The following COL15A1 variants were observed in gnomAD, a reference collection of about 807,000 sequenced individuals.
The protein encoded by COL15A1 is collagen alpha-1(XV) chain.
COL15A1 carries 111 observed loss-of-function variants against 165.9 expected under a neutral mutation model. That is an observed-to-expected ratio of 0.67 (90% CI 0.57 to 0.78). The LOEUF (loss-of-function observed/expected upper bound fraction) is 0.78, where lower values mean the gene tolerates loss of function less well. Among genes scored for constraint, COL15A1 ranks in the 30% least tolerant of loss-of-function variants. The probability of loss-of-function intolerance (pLI) is 0.00; values close to 1 mark genes in which losing one functional copy is unlikely to be tolerated. For missense variants in COL15A1, 1,745 were observed against 1,789.7 expected (o/e 0.98, Z 0.45); for synonymous variants, 659 against 674.8 (o/e 0.98, Z 0.36).
intron 9 of COL15A1, among the ~76,000 whole-genome samples, chr9:99,006,766 C>T (rs1222662019): frequency 6.6e-6 from 1 of 152,174 alleles, no homozygotes; most frequent in Admixed American, 6.5e-5. Flanking sequence ...CTACCAAGTC[C>T]TAGCTTAATA....
Position 99,042,122 on chromosome 9 carries a change from G to A in COL15A1, c.2574+15G>A. Reference sequence around the variant, plus strand: ...AAGGAGAACAGGTAAGAGGGGCCCAGGTATCTGAGTGAGATTGGGCGCTGG... The same window carrying A: ...AAGGAGAACAGGTAAGAGGGGCCCAAGTATCTGAGTGAGATTGGGCGCTGG... On this transcript the variant is annotated intron_variant, in intron 24 of 41. Transcript: ENST00000375001. The A allele has an allele frequency of 6.3e-7, 1 of 1,597,656 alleles. No individual in the cohort carries two copies. The highest frequency in any genetic ancestry group is 8.5e-7 in the Non-Finnish European group (1 of 1,169,970).
rs771856798 is a variant in COL15A1 at position 99,068,641 on chromosome 9, T to C, written c.3924T>C (p.Asp1308=). Residue 1308 remains aspartate, a synonymous_variant, in exon 41 of 42, where the codon GAT becomes GAC. Transcript: ENST00000375001. ...TGCATATTCCAATATACTCCTTTGA[T>C]GGTCGAGACATAATGACAGATCCTT... is the stretch of plus-strand genomic sequence containing the variant. The part of the protein sequence containing the change: ...FNMHIPIYSF[D]GRDIMTDPSW... 4.2e-5 allele frequency: 66 copies of C among 1,562,784 alleles called. No homozygotes were observed. Among genetic ancestry groups the C allele is most frequent in the Non-Finnish European group, 5.5e-5 (64 of 1,162,316 alleles).
chr9:99,020,205 G>A (rs1477191730), intron 11 of COL15A1, among the ~76,000 whole-genome samples, 184 bp from the exon 12 acceptor site: 2 of 152,114 alleles, frequency 1.3e-5, no homozygotes, highest in African/African-American at 4.8e-5. Flanking sequence ...ATTATCTGCC[G>A]GTGCAGGGGA....
chr9:99,059,792 TG>T, intron 35 of COL15A1, 96 bp from the exon 36 acceptor site: 2 of 1,336,768 alleles, frequency 1.5e-6, no homozygotes, highest in South Asian at 2.6e-5. Context: ...GCGCTGTGAA[TG>T]GGGTTGAACA....
intron 23 of COL15A1, among the ~76,000 whole-genome samples, chr9:99,041,810 A>G (rs938986438): frequency 2.6e-5 from 4 of 152,164 alleles, no homozygotes; most frequent in Non-Finnish European, 5.9e-5. Flanking sequence ...GAGGAAACCA[A>G]TGTTCAAAAA....
chr9:98,985,741 AT>A lies in COL15A1; in HGVS notation c.278del (p.Ile93ThrfsTer5). ...IPSTFFRDFA[I>X]SVVVKPSSTR... ...ATCCACCTTCTTCAGGGACTTCGCCATCAGCGTCGTGGTGAAGCCCAGCAGC... is the reference window on the plus strand; with the variant it reads ...ATCCACCTTCTTCAGGGACTTCGCCACAGCGTCGTGGTGAAGCCCAGCAGC... On this transcript the variant is annotated frameshift_variant, in exon 3 of 42. Transcript: ENST00000375001. LOFTEE classifies it high-confidence loss of function. The A allele has an allele frequency of 6.2e-7, 1 of 1,614,196 alleles. No individual in the cohort carries two copies. Among genetic ancestry groups the A allele is most frequent in the Non-Finnish European group, 8.5e-7 (1 of 1,180,036 alleles).
chr9:98,948,596 CA>C (rs67986686), intron 2 of COL15A1, among the ~76,000 whole-genome samples: 35,549 of 100,116 alleles, frequency 0.36, 4,378 homozygotes, highest in Admixed American at 0.44. Context: ...GACTCTGTCT[CA>C]AAAAAAAAAA....
At chr9:98,968,172 T>C (rs1213689001) in intron 2 of COL15A1, among the ~76,000 whole-genome samples, 1 of 152,210 alleles carries the variant, frequency 6.6e-6, no homozygotes, top group African/African-American at 2.4e-5. Flanking sequence ...AAGAACACCC[T>C]CCTCACTGTT....
intron 2 of COL15A1, among the ~76,000 whole-genome samples, chr9:98,985,075 A>G (rs1315683347): frequency 6.6e-6 from 1 of 152,194 alleles, no homozygotes; most frequent in Non-Finnish European, 1.5e-5. Context: ...TTTAGGCGTG[A>G]GCCACCATAC....
chr9:99,060,256 A>ATTTTTTT (rs57568579), intron 36 of COL15A1, among the ~76,000 whole-genome samples: 1 of 137,180 alleles, frequency 7.3e-6, no homozygotes, highest in South Asian at 2.3e-4. Flanking sequence ...ATATATATAT[A>ATTTTTTT]TTTTTTTTTT....
In COL15A1 at chr9:99,023,448, G is replaced by A. The variant is rs867253716; in HGVS notation, c.1853G>A (p.Arg618Lys). 7.6e-6 allele frequency: 10 copies of A among 1,320,030 alleles called. No homozygotes were observed. The highest frequency in any genetic ancestry group is 1.5e-5 in the African/African-American group (1 of 68,736). 81.8% of individuals were successfully genotyped at this position (1,320,030 alleles called of 1,614,324 possible). ...GDLVGSEQLL[R>K]GPPGPPGPPG... ...CTGGTGGGCAGTGAGCAGCTGCTGA[G>A]AGTGAGTGTGAAGGAGGACACGACC... Residue 618 changes from arginine to lysine, a missense_variant and splice_region_variant, in exon 14 of 42, where the codon AGA becomes AAA. By Grantham distance (26) the Arg-to-Lys change is conservative. Transcript: ENST00000375001.
At chr9:99,055,068 C>G in intron 32 of COL15A1, 34 bp from the exon 33 acceptor site, 1 of 1,571,296 alleles carries the variant, frequency 6.4e-7, no homozygotes. Context: ...TCTGAAATTA[C>G]AATCGTGAAT....
intron 5 of COL15A1, among the ~76,000 whole-genome samples, chr9:98,991,216 T>C (rs1213374595): frequency 6.6e-6 from 1 of 151,872 alleles, no homozygotes; most frequent in Non-Finnish European, 1.5e-5. Context: ...CTCACCAAGT[T>C]GCCGCTGCTC....
chr9:99,032,785 T>G (rs1839229131), intron 16 of COL15A1, among the ~76,000 whole-genome samples: 1 of 152,232 alleles, frequency 6.6e-6, no homozygotes, highest in Admixed American at 6.5e-5. Flanking sequence ...ATTAATTCTC[T>G]CTTTAGGTGT....
At chr9:99,060,232 TTTTATATATATATATA>T (rs1825787976) in intron 36 of COL15A1, among the ~76,000 whole-genome samples, 10 of 123,534 alleles carry the variant, frequency 8.1e-5, no homozygotes, top group East Asian at 5.0e-4. Context: ...ACTTATATAT[TTTTATATATATATATA>T]TATATATATT....
At chr9:99,013,657 C>T (rs1023357990) in intron 9 of COL15A1, among the ~76,000 whole-genome samples, 2 of 152,066 alleles carry the variant, frequency 1.3e-5, no homozygotes, top group African/African-American at 4.8e-5. Context: ...AATCCTCTCC[C>T]GGTATAAGGT....
At chr9:98,973,095 T>G (rs542687300) in intron 2 of COL15A1, among the ~76,000 whole-genome samples, 3 of 152,338 alleles carry the variant, frequency 2.0e-5, no homozygotes, top group Admixed American at 2.0e-4. Flanking sequence ...TGAGGATTAC[T>G]TCCTGCTGGG....
intron 2 of COL15A1, among the ~76,000 whole-genome samples, chr9:98,958,278 A>G (rs1837811235): frequency 2.0e-5 from 3 of 152,254 alleles, no homozygotes; most frequent in Non-Finnish European, 4.4e-5. Context: ...ATGCTAGGAT[A>G]TCTGAGTTCA....
At chr9:99,053,452 T>C (rs537784183) in intron 31 of COL15A1, among the ~76,000 whole-genome samples, 1 of 152,352 alleles carries the variant, frequency 6.6e-6, no homozygotes, top group South Asian at 2.1e-4. Flanking sequence ...CCCCAATTGT[T>C]CCTCTTCCCT....
Sources: gnomAD v4.1 joint callset for allele counts (sites outside exome capture counted in the v4.1 genomes callset) on GRCh38, gnomAD v4.1.1 for gene constraint, MANE v1.5 for transcripts, NCBI Gene and HGNC (gene_info 2026-07-23, HGNC 2026-07-21) for gene names.